The following CNTNAP5 variants were observed in gnomAD, a reference collection of about 807,000 sequenced individuals.
CNTNAP5 encodes contactin-associated protein-like 5.
In CNTNAP5, 72 loss-of-function variants were observed where a neutral mutation model predicts 150.2. The ratio of observed to expected loss-of-function variants is 0.48; its 90% CI spans 0.40 to 0.58. The LOEUF is 0.58. Among genes scored for constraint, CNTNAP5 ranks in the 20% least tolerant of loss-of-function variants. CNTNAP5 has a pLI of 0.00. For synonymous variants in CNTNAP5, 672 were observed against 619.8 expected, an observed-to-expected ratio of 1.08 and a Z score of -1.25; for missense variants, 1,636 against 1,626.2, an observed-to-expected ratio of 1.01 and a Z score of -0.10.
At chr2:124,214,690 C>T (rs1484171204) in intron 1 of CNTNAP5, among the ~76,000 whole-genome samples, 1 of 152,178 alleles carries the variant, frequency 6.6e-6, no homozygotes. Context: ...CATGTAATTG[C>T]TCATGAACAT....
intron 7 of CNTNAP5, among the ~76,000 whole-genome samples, chr2:124,490,189 C>T (rs575436745): frequency 6.6e-6 from 1 of 152,060 alleles, no homozygotes; most frequent in African/African-American, 2.4e-5. Flanking sequence ...CAAAAATTAG[C>T]CAGGCATGGT....
At chr2:124,335,112 A>G (rs149448485) in intron 3 of CNTNAP5, among the ~76,000 whole-genome samples, 2 of 152,272 alleles carry the variant, frequency 1.3e-5, no homozygotes, top group African/African-American at 4.8e-5. Context: ...GATGGTGCTT[A>G]CAAATAGTGT....
intron 17 of CNTNAP5, among the ~76,000 whole-genome samples, chr2:124,773,979 AG>A (rs1681266420): frequency 1.3e-5 from 2 of 151,442 alleles, no homozygotes; most frequent in African/African-American, 4.9e-5. Flanking sequence ...AGACTAATAC[AG>A]GGTGAGCCTT....
At chr2:124,643,039 T>C (rs1441193977) in intron 12 of CNTNAP5, among the ~76,000 whole-genome samples, 1 of 152,188 alleles carries the variant, frequency 6.6e-6, no homozygotes, top group East Asian at 1.9e-4. Context: ...ATGAGATCAT[T>C]GACACTCATG....
At chr2:124,151,663 G>A (rs779115921) in intron 1 of CNTNAP5, among the ~76,000 whole-genome samples, 7 of 152,210 alleles carry the variant, frequency 4.6e-5, no homozygotes, top group Non-Finnish European at 7.3e-5. Flanking sequence ...GAATATGTAT[G>A]TACCACGTCT....
At chr2:124,094,751 G>A (rs1682896137) in intron 1 of CNTNAP5, among the ~76,000 whole-genome samples, 1 of 152,146 alleles carries the variant, frequency 6.6e-6, no homozygotes. Flanking sequence ...CCTGGTTGGA[G>A]GCATGCACAG....
chr2:124,852,309 TCTCATGGGA>T (rs1411742253), intron 19 of CNTNAP5, among the ~76,000 whole-genome samples: 1 of 152,132 alleles, frequency 6.6e-6, no homozygotes, highest in African/African-American at 2.4e-5. Context: ...ATTGTGTGGC[TCTCATGGGA>T]CCTAAGATGT....
chr2:124,608,376 A>G (rs1477708767), intron 11 of CNTNAP5, among the ~76,000 whole-genome samples: 2 of 152,126 alleles, frequency 1.3e-5, no homozygotes, highest in African/African-American at 2.4e-5. Context: ...TAAAATTTAT[A>G]TATTTCCCAA....
At position 124,919,728 on chromosome 2, in the gene CNTNAP5, C is replaced by CTT. The variant is rs1678837096; in HGVS notation, c.*5440_*5441insTT. On this transcript the variant is annotated 3_prime_UTR_variant, in exon 24 of 24. Transcript: ENST00000682447. The stretch of plus-strand genomic sequence containing the variant: ...CATTTGCATGATTTTTTTTACCTTC[C>CTT]AACACTTCTTCAGTCACATTCTTTT... Among the ~76,000 whole-genome samples, 4 of 151,966 alleles carry CTT rather than the reference C, an allele frequency of 2.6e-5. No homozygotes were observed. The highest frequency in any genetic ancestry group is 9.7e-5 in the African/African-American group (4 of 41,406).
intron 10 of CNTNAP5, among the ~76,000 whole-genome samples, chr2:124,553,711 C>T (rs1026372918): frequency 1.3e-5 from 2 of 152,092 alleles, no homozygotes; most frequent in African/African-American, 4.8e-5. Flanking sequence ...GGGTGAACAA[C>T]TTGGCCAATA....
intron 13 of CNTNAP5, among the ~76,000 whole-genome samples, chr2:124,740,814 G>A (rs993357042): frequency 6.6e-6 from 1 of 152,100 alleles, no homozygotes; most frequent in African/African-American, 2.4e-5. Flanking sequence ...GTTACATTCT[G>A]GGGCCGTGGC....
chr2:124,709,424 G>A (rs966952975), intron 13 of CNTNAP5, among the ~76,000 whole-genome samples: 2 of 152,070 alleles, frequency 1.3e-5, no homozygotes, highest in African/African-American at 4.8e-5. Context: ...TTGAAAAAAT[G>A]AGTCTTACAT....
At chr2:124,383,451 C>T (rs762942554) in intron 3 of CNTNAP5, among the ~76,000 whole-genome samples, 5 of 152,154 alleles carry the variant, frequency 3.3e-5, no homozygotes, top group Non-Finnish European at 7.3e-5. Flanking sequence ...TCCTGTTAAC[C>T]GCAGTAATAA....
At chr2:124,139,115 G>C (rs958296966) in intron 1 of CNTNAP5, among the ~76,000 whole-genome samples, 8 of 151,906 alleles carry the variant, frequency 5.3e-5, no homozygotes, top group Non-Finnish European at 8.8e-5. Context: ...TATTTTGTTG[G>C]AGTTTTTTTT....
intron 19 of CNTNAP5, among the ~76,000 whole-genome samples, chr2:124,832,827 TA>T (rs1409044533): frequency 2.0e-5 from 3 of 152,032 alleles, no homozygotes; most frequent in African/African-American, 7.2e-5. Flanking sequence ...ATAGAGAACT[TA>T]AAAGACTCTG....
At chr2:124,355,424 G>A (rs1689972071) in intron 3 of CNTNAP5, among the ~76,000 whole-genome samples, 1 of 152,050 alleles carries the variant, frequency 6.6e-6, no homozygotes, top group South Asian at 2.1e-4. Context: ...TGTGAGGGAT[G>A]GTGTTGTGGA....
chr2:124,773,067 G>C, intron 17 of CNTNAP5, 50 bp downstream of exon 17: 1 of 1,424,304 alleles, frequency 7.0e-7, no homozygotes, highest in Non-Finnish European at 9.9e-7. Flanking sequence ...CAAGATCACT[G>C]TGTGACCATG....
At position 124,274,396 on chromosome 2, in the gene CNTNAP5, G is replaced by A. The variant is rs184782991; in HGVS notation, c.381+32003G>A. Among the ~76,000 whole-genome samples, 684 of 152,238 alleles carry A rather than the reference G, an allele frequency of 4.5e-3. 6 individuals carry two copies. The highest frequency in any genetic ancestry group is 0.015 in the African/African-American group (631 of 41,554). The stretch of plus-strand genomic sequence containing the variant: ...AAAAAGTCCTATGTTTATTTTCACC[G>A]CTTTTTCCCTCCCTCAATATTGTCA... On this transcript the variant is annotated intron_variant, in intron 3 of 23. Coordinates refer to ENST00000682447, the MANE Select transcript of CNTNAP5 (RefSeq NM_001367498.1).
At chr2:124,568,297 C>A (rs1280985243) in intron 11 of CNTNAP5, among the ~76,000 whole-genome samples, 1 of 152,082 alleles carries the variant, frequency 6.6e-6, no homozygotes, top group Admixed American at 6.5e-5. Context: ...ACTTGGAGGA[C>A]ATCTAAAATT....
Sources: allele counts gnomAD v4.1 joint callset (sites outside exome capture counted in the v4.1 genomes callset), GRCh38; gene constraint gnomAD v4.1.1; transcripts MANE v1.5; gene names NCBI Gene and HGNC (gene_info 2026-07-23, HGNC 2026-07-21).